Variants in BIRC6 observed in about 807,000 individuals in gnomAD.
The protein encoded by BIRC6 is dual E2 ubiquitin-conjugating enzyme/E3 ubiquitin-protein ligase BIRC6.
BIRC6 carries 98 observed loss-of-function variants against 503.3 expected under a neutral mutation model. That is an observed-to-expected ratio of 0.19 (90% CI 0.17 to 0.23). BIRC6 has a LOEUF of 0.23. Ranked by LOEUF, BIRC6 falls within the 10% of genes least tolerant of loss-of-function variation. The pLI, the probability that BIRC6 is intolerant of heterozygous loss-of-function variation, is 1.00. For missense variants in BIRC6, 5,360 were observed against 5,806.0 expected, an observed-to-expected ratio of 0.92 and a Z score of 2.50; for synonymous variants, 2,240 against 2,078.7, an observed-to-expected ratio of 1.08 and a Z score of -2.11.
intron 50 of BIRC6, among the ~76,000 whole-genome samples, chr2:32,506,069 A>C (rs1018942241): frequency 1.7e-4 from 26 of 151,994 alleles, no homozygotes; most frequent in African/African-American, 5.6e-4. Context: ...GGCTACTTTC[A>C]AACTCCTGGG....
chr2:32,397,574 C>CTGTGTGTGTGTG lies in BIRC6; in HGVS notation c.1034+2001_1034+2012dup, dbSNP rs147651911. Among the ~76,000 whole-genome samples, 1,000 of 138,044 alleles carry CTGTGTGTGTGTG rather than the reference C, an allele frequency of 7.2e-3. 7 individuals are homozygous for CTGTGTGTGTGTG. Among genetic ancestry groups the CTGTGTGTGTGTG allele is most frequent in the Middle Eastern group, 0.018 (5 of 274 alleles). The allele number at this position is 138,044 out of a possible 152,430, so 90.6% of individuals were successfully genotyped here. A position where few individuals can be genotyped will look rare whatever the true frequency, so the allele number is the denominator to read the frequency against. Reference sequence around the variant, plus strand: ...TTGGAATTGTCTTTCCCCGTAAAGGCTGTGTGTGTGTGTGTGTGTGTGTGT... The same window carrying CTGTGTGTGTGTG: ...TTGGAATTGTCTTTCCCCGTAAAGGCTGTGTGTGTGTGTGTGTGTGTGTGTGTGTGTGTGTGT... On this transcript the variant is annotated intron_variant, in intron 6 of 73. Coordinates refer to ENST00000421745, the MANE Select transcript of BIRC6 (RefSeq NM_016252.4).
intron 65 of BIRC6, among the ~76,000 whole-genome samples, chr2:32,572,616 T>C (rs1193301095): frequency 6.6e-6 from 1 of 152,260 alleles, no homozygotes. Flanking sequence ...AACTTTTGGA[T>C]ATAATTTTGA....
chr2:32,363,368 T>C (rs1180116534), intron 1 of BIRC6, among the ~76,000 whole-genome samples: 1 of 152,148 alleles, frequency 6.6e-6, no homozygotes, highest in Non-Finnish European at 1.5e-5. Context: ...TTTTCTTTTT[T>C]ACTTAAAGCT....
At chr2:32,433,368 C>T (rs1268650549) in intron 12 of BIRC6, among the ~76,000 whole-genome samples, 5 of 152,132 alleles carry the variant, frequency 3.3e-5, no homozygotes, top group Admixed American at 1.3e-4. Context: ...GGAATTTGCA[C>T]GTAATTCACA....
intron 1 of BIRC6, among the ~76,000 whole-genome samples, chr2:32,371,990 A>G (rs1014818204): frequency 3.3e-5 from 5 of 149,440 alleles, no homozygotes; most frequent in African/African-American, 1.2e-4. Flanking sequence ...TTTTTAGTAG[A>G]GACAGGGTTT....
chr2:32,412,559 G>A (rs2042003609), intron 9 of BIRC6, among the ~76,000 whole-genome samples: 1 of 152,032 alleles, frequency 6.6e-6, no homozygotes, highest in African/African-American at 2.4e-5. Flanking sequence ...TAATGTAGTT[G>A]TGTGGCTTTA....
chr2:32,517,740 A>AT (rs925470849), intron 55 of BIRC6, among the ~76,000 whole-genome samples: 24 of 126,352 alleles, frequency 1.9e-4, no homozygotes, highest in Admixed American at 5.2e-4. Context: ...TGCCCAGCTT[A>AT]TTTTTTTTTG....
intron 9 of BIRC6, among the ~76,000 whole-genome samples, chr2:32,410,999 C>T (rs1389569221): frequency 1.3e-5 from 2 of 151,946 alleles, no homozygotes; most frequent in Admixed American, 1.3e-4. Context: ...CGCGCCCAGC[C>T]TATTTGGGCA....
Position 32,595,135 on chromosome 2 carries a change from T to G in BIRC6, c.13603T>G (p.Leu4535Val), listed in dbSNP as rs2061599813. ...AAAATATGTGGCTGTTATGAAGAAA[T>G]TACAGTTTGGTAAGATGAAATTTTT... The part of the protein sequence containing the change: ...EEKYVAVMKK[L>V]QFDTFEMVSE... The change falls in exon 68 of 74, where the codon TTA (leucine) becomes GTA (valine). Residue 4535 changes from leucine (L) to valine (V), a missense_variant. Physicochemically the swap from Leu to Val is conservative, Grantham distance 32. Transcript: ENST00000421745. The G allele has an allele frequency of 1.3e-6, 2 of 1,580,576 alleles. No individual in the cohort carries two copies. Among genetic ancestry groups the G allele is most frequent in the South Asian group, 2.4e-5 (2 of 84,776 alleles).
rs369108522 is a variant in BIRC6, at chr2:32,488,470, GT to G, written c.7969-115del. 44 of 813,456 alleles carry G rather than the reference GT, an allele frequency of 5.4e-5. No individual in the cohort carries two copies. In the African/African-American group the frequency reaches 7.2e-4, roughly 13 times the overall value. The allele number at this position is 813,456 out of a possible 1,614,324, so 50.4% of individuals were successfully genotyped here. ...AAGATGCTTTTAAGTGTGAAGAAGT[GT>G]TTAATAGAAAAGGTTATTTACTCGT... On this transcript the variant is annotated intron_variant, in intron 41 of 73. Coordinates refer to ENST00000421745, the MANE Select transcript of BIRC6 (RefSeq NM_016252.4).
chr2:32,581,014 G>A (rs550392046), intron 66 of BIRC6, among the ~76,000 whole-genome samples: 22 of 152,260 alleles, frequency 1.4e-4, no homozygotes, highest in Non-Finnish European at 2.5e-4. Context: ...CGAATCCGAC[G>A]TCTACAATGT....
At chr2:32,475,159 T>TAAAAAAAA (rs11394641) in intron 33 of BIRC6, among the ~76,000 whole-genome samples, 1 of 114,254 alleles carries the variant, frequency 8.8e-6, no homozygotes. Context: ...AAGACTATCT[T>TAAAAAAAA]AAAAAAAAAA....
At chr2:32,502,711 C>A in intron 47 of BIRC6, 84 bp from the exon 48 acceptor site, 2 of 1,003,866 alleles carry the variant, frequency 2.0e-6, no homozygotes, top group Non-Finnish European at 2.8e-6. Context: ...CAAAAATTAA[C>A]TAGGAAGGAA....
chr2:32,432,746 T>G, intron 12 of BIRC6, among the ~76,000 whole-genome samples: 1 of 144,862 alleles, frequency 6.9e-6, no homozygotes, highest in Non-Finnish European at 1.5e-5. Flanking sequence ...GGTGACAGAG[T>G]GAGACCCCAT....
At chr2:32,471,768 C>T (rs2049136225) in intron 32 of BIRC6, among the ~76,000 whole-genome samples, 1 of 151,818 alleles carries the variant, frequency 6.6e-6, no homozygotes, top group Non-Finnish European at 1.5e-5. Context: ...GTATGTAAGC[C>T]ATTGAGATAT....
intron 71 of BIRC6, among the ~76,000 whole-genome samples, chr2:32,605,637 C>T (rs1193883396): frequency 1.3e-5 from 2 of 152,022 alleles, no homozygotes; most frequent in African/African-American, 4.8e-5. Flanking sequence ...GCAGGCAGAT[C>T]ACTTGAGGCC....
intron 22 of BIRC6, among the ~76,000 whole-genome samples, chr2:32,450,989 C>G (rs1013177993): frequency 3.3e-5 from 5 of 152,174 alleles, no homozygotes; most frequent in Non-Finnish European, 7.4e-5. Context: ...GCCAAACCCA[C>G]AGATACAGAG....
rs2050913603 is a variant in BIRC6, at chr2:32,485,740, A to G, written c.7794A>G (p.Leu2598=). The G allele has an allele frequency of 6.2e-7, 1 of 1,605,560 alleles. No homozygotes were observed. The highest frequency in any genetic ancestry group is 8.5e-7 in the Non-Finnish European group (1 of 1,172,212). Reference sequence around the variant, plus strand: ...AGGCAGATTCCATTTTACAGGCATTAACAAATACATCTCCTACATGTAAGT... The same window carrying G: ...AGGCAGATTCCATTTTACAGGCATTGACAAATACATCTCCTACATGTAAGT... ...TLEADSILQA[L]TNTSPTLSQS... Residue 2598 remains leucine (L), a synonymous_variant, in exon 40 of 74, where the codon TTA becomes TTG. Coordinates refer to ENST00000421745, the MANE Select transcript of BIRC6 (RefSeq NM_016252.4).
At chr2:32,495,787 G>GA in intron 45 of BIRC6, among the ~76,000 whole-genome samples, 1 of 127,320 alleles carries the variant, frequency 7.9e-6, no homozygotes, top group Non-Finnish European at 1.6e-5. Context: ...CTTTCAGGAT[G>GA]AAGTTTTTTT....
Sources: gnomAD v4.1 joint callset for allele counts (sites outside exome capture counted in the v4.1 genomes callset) on GRCh38, gnomAD v4.1.1 for gene constraint, MANE v1.5 for transcripts, NCBI Gene and HGNC (gene_info 2026-07-23, HGNC 2026-07-21) for gene names.